Variants in PCDHGB7 observed in about 807,000 individuals in gnomAD.
PCDHGB7 encodes protocadherin gamma-B7.
Under a neutral mutation model 61.4 loss-of-function variants are expected in PCDHGB7, and 37 were observed. The ratio of observed to expected loss-of-function variants is 0.60; its 90% CI spans 0.46 to 0.79. The LOEUF is 0.79. PCDHGB7 is among the 30% of genes least tolerant of loss of function. The pLI is 0.00. For synonymous variants in PCDHGB7, 464 were observed against 503.5 expected (o/e 0.92, Z 1.05); for missense variants, 1,166 against 1,202.5 (o/e 0.97, Z 0.45).
intron 3 of PCDHGB7, among the ~76,000 whole-genome samples, chr5:141,506,473 G>A (rs976701500): frequency 2.7e-4 from 40 of 150,506 alleles, no homozygotes; most frequent in Admixed American, 1.5e-3. Flanking sequence ...AAAGAGCACA[G>A]GCTTTAGAGG....
chr5:141,511,373 G>T lies in PCDHGB7; in HGVS notation c.*200G>T. On this transcript the variant is annotated 3_prime_UTR_variant, in exon 4 of 4. Transcript: ENST00000398594. ...CCCCCAGGGGGTTGAATATGCAAAA[G>T]CAGTTCCGCTGGGAACCCCCATCCA... 8.0e-7 allele frequency: 1 copy of T among 1,251,332 alleles called. No homozygotes were observed. The highest frequency in any genetic ancestry group is 1.6e-5 in the South Asian group (1 of 63,796). The allele number at this position is 1,251,332 out of a possible 1,614,324, so 77.5% of individuals were successfully genotyped here.
rs201424832 is a variant in PCDHGB7 at position 141,490,802 on chromosome 5, C to T, written c.2416-4005C>T. On this transcript the variant is annotated intron_variant, in intron 1 of 3. Transcript: ENST00000398594. This position sits in a 1 kb window ranked among gnomAD's most constrained non-coding sequence, Gnocchi z 5.4. Reference sequence around the variant, plus strand: ...GATGGACGGATCTTTGCCCAGCGTACCTTTGACTATGAATTGCTGCAGATG... The same window carrying T: ...GATGGACGGATCTTTGCCCAGCGTATCTTTGACTATGAATTGCTGCAGATG... 1 of 1,613,944 alleles carries T rather than the reference C, an allele frequency of 6.2e-7. No homozygotes were observed. Among genetic ancestry groups the T allele is most frequent in the East Asian group, 2.2e-5 (1 of 44,886 alleles).
chr5:141,510,944 C>T lies in PCDHGB7; in HGVS notation c.2564-3C>T, dbSNP rs772921698. 2 of 1,614,120 alleles carry T rather than the reference C, an allele frequency of 1.2e-6. No individual in the cohort carries two copies. Among genetic ancestry groups the T allele is most frequent in the South Asian group, 2.2e-5 (2 of 91,080 alleles). On this transcript the variant is annotated splice_region_variant and splice_polypyrimidine_tract_variant and intron_variant, in intron 3 of 3. Transcript: ENST00000398594. Reference sequence around the variant, plus strand: ...CCCACCTGATCTTCCTCTGTCTCTGCAGAAGCTGCTGATGGGAGCTCCACC... The same window carrying T: ...CCCACCTGATCTTCCTCTGTCTCTGTAGAAGCTGCTGATGGGAGCTCCACC...
At chr5:141,437,150 A>T (rs572721302) in intron 1 of PCDHGB7, among the ~76,000 whole-genome samples, 1 of 152,328 alleles carries the variant, frequency 6.6e-6, no homozygotes, top group East Asian at 1.9e-4. Flanking sequence ...CATAATTAAC[A>T]TATGTGTTGA....
chr5:141,420,202 C>T lies in PCDHGB7; in HGVS notation c.2343C>T (p.Leu781=), dbSNP rs2096476837. 1 of 1,613,136 alleles carries T rather than the reference C, an allele frequency of 6.2e-7. No homozygotes were observed. ...VDHCPATQDN[L]NKDSMLLASI... ...ATTGTCCAGCCACACAAGATAACCTCAACAAAGATAGCATGCTACTGGCTA... is the reference window on the plus strand; with the variant it reads ...ATTGTCCAGCCACACAAGATAACCTTAACAAAGATAGCATGCTACTGGCTA... The change falls in exon 1 of 4, where the codon CTC becomes CTT. Residue 781 remains leucine, a synonymous_variant. Transcript: ENST00000398594.
In PCDHGB7 at chr5:141,490,007, C is replaced by T. The variant is rs766407642; in HGVS notation, c.2416-4800C>T. On this transcript the variant is annotated intron_variant, in intron 1 of 3. Coordinates refer to ENST00000398594, the MANE Select transcript of PCDHGB7 (RefSeq NM_018927.4). The surrounding 1 kb of genome is among the most constrained non-coding windows in gnomAD (Gnocchi z 5.4). ...CGTGTGGGAATCCCAGAGAATGCACCCATTGGTACTCTGCTGCTCCGCCTC... is the reference window on the plus strand; with the variant it reads ...CGTGTGGGAATCCCAGAGAATGCACTCATTGGTACTCTGCTGCTCCGCCTC... 6.2e-7 allele frequency: 1 copy of T among 1,614,200 alleles called. No homozygotes were observed. The highest frequency in any genetic ancestry group is 8.5e-7 in the Non-Finnish European group (1 of 1,180,016).
Position 141,490,731 on chromosome 5 carries a change from G to A in PCDHGB7, c.2416-4076G>A, listed in dbSNP as rs139283997. The A allele has an allele frequency of 6.8e-6, 11 of 1,614,080 alleles. No homozygotes were observed. In the African/African-American group the frequency reaches 1.1e-4, roughly 16 times the overall value. Reference sequence around the variant, plus strand: ...TCACCTACTCCATTGTAGGAAATCAGGTTCAGGGAGCCCCAGCCTCCTCCT... The same window carrying A: ...TCACCTACTCCATTGTAGGAAATCAAGTTCAGGGAGCCCCAGCCTCCTCCT... On this transcript the variant is annotated intron_variant, in intron 1 of 3. Transcript: ENST00000398594. The surrounding 1 kb of genome is among the most constrained non-coding windows in gnomAD (Gnocchi z 5.4).
At chr5:141,462,905 T>G (rs542357408) in intron 1 of PCDHGB7, among the ~76,000 whole-genome samples, 265 of 152,356 alleles carry the variant, frequency 1.7e-3, no homozygotes, top group Non-Finnish European at 3.1e-3. Flanking sequence ...AAGGCTATTA[T>G]GTTTTTTGCA....
intron 2 of PCDHGB7, among the ~76,000 whole-genome samples, chr5:141,501,868 C>G (rs1016056445): frequency 1.3e-5 from 2 of 152,120 alleles, no homozygotes; most frequent in African/African-American, 2.4e-5. Flanking sequence ...TCCCAGGACG[C>G]CTCCTTACAC....
Position 141,490,629 on chromosome 5 carries a change from C to T in PCDHGB7, c.2416-4178C>T, listed in dbSNP as rs1174984711. 1.2e-6 allele frequency: 2 copies of T among 1,614,214 alleles called. No individual in the cohort carries two copies. Among genetic ancestry groups the T allele is most frequent in the East Asian group, 2.2e-5 (1 of 44,882 alleles). On this transcript the variant is annotated intron_variant, in intron 1 of 3. Coordinates refer to ENST00000398594, the MANE Select transcript of PCDHGB7 (RefSeq NM_018927.4). This position sits in a 1 kb window ranked among gnomAD's most constrained non-coding sequence, Gnocchi z 5.4. ...ACCAGCAGCTTTACACTGCTTACAT[C>T]CTAGAAAACCGGCCTCCGGGCTCCC...
In PCDHGB7 at chr5:141,432,142, C is replaced by T; in HGVS notation, c.2415+11868C>T. 1 of 1,614,098 alleles carries T rather than the reference C, an allele frequency of 6.2e-7. No individual in the cohort carries two copies. Among genetic ancestry groups the T allele is most frequent in the Non-Finnish European group, 8.5e-7 (1 of 1,180,016 alleles). On this transcript the variant is annotated intron_variant, in intron 1 of 3. Transcript: ENST00000398594. This position sits in a 1 kb window ranked among gnomAD's most constrained non-coding sequence, Gnocchi z 6.0. Reference sequence around the variant, plus strand: ...CTCAGGCCTCCTATTCCGCTTATATCCCAGAGAACAATCCCAGAGGAGTTT... The same window carrying T: ...CTCAGGCCTCCTATTCCGCTTATATTCCAGAGAACAATCCCAGAGGAGTTT...
chr5:141,427,440 G>T (rs747459662), intron 1 of PCDHGB7: 3 of 477,366 alleles, frequency 6.3e-6, no homozygotes, highest in South Asian at 3.1e-5. Flanking sequence ...CCTCATAAAC[G>T]AAAGAGTTCC....
rs200117787 is a variant in PCDHGB7, at chr5:141,477,443, G to T, written c.2416-17364G>T. ...CCCTTCCCTCTCAGCCCTTACAATA[G>T]TGCGTGTTCAAGTGTCCGACATCAA... On this transcript the variant is annotated intron_variant, in intron 1 of 3. Coordinates refer to ENST00000398594, the MANE Select transcript of PCDHGB7 (RefSeq NM_018927.4). This position sits in a 1 kb window ranked among gnomAD's most constrained non-coding sequence, Gnocchi z 4.9. The T allele has an allele frequency of 1.7e-5, 28 of 1,614,136 alleles. No homozygotes were observed. In the East Asian group the frequency reaches 6.2e-4, roughly 36 times the overall value.
Position 141,490,140 on chromosome 5 carries a change from G to T in PCDHGB7, c.2416-4667G>T. On this transcript the variant is annotated intron_variant, in intron 1 of 3. Transcript: ENST00000398594. This position sits in a 1 kb window ranked among gnomAD's most constrained non-coding sequence, Gnocchi z 5.4. Reference sequence around the variant, plus strand: ...TCTTTGGCCTAGACCCTAGCAGTGGGGCAATCCATGTGTTGGGTCCCATAG... The same window carrying T: ...TCTTTGGCCTAGACCCTAGCAGTGGTGCAATCCATGTGTTGGGTCCCATAG... 1 of 1,614,206 alleles carries T rather than the reference G, an allele frequency of 6.2e-7. No homozygotes were observed. The highest frequency in any genetic ancestry group is 8.5e-7 in the Non-Finnish European group (1 of 1,180,026).
At chr5:141,466,180 A>AT (rs922532578) in intron 1 of PCDHGB7, among the ~76,000 whole-genome samples, 11 of 151,256 alleles carry the variant, frequency 7.3e-5, no homozygotes, top group South Asian at 2.1e-4. Context: ...TTTTATTTTT[A>AT]TTTTTTTTCA....
chr5:141,433,587 G>A (rs1228017153), intron 1 of PCDHGB7, among the ~76,000 whole-genome samples: 1 of 152,068 alleles, frequency 6.6e-6, no homozygotes, highest in African/African-American at 2.4e-5. Flanking sequence ...TGTAATCCCA[G>A]TACTTTGGGA....
Position 141,477,710 on chromosome 5 carries a change from G to A in PCDHGB7, c.2416-17097G>A, listed in dbSNP as rs747156156. ...GCCCCTAGACTATGAGGATCGGCGG[G>A]AATTTGAATTAACAGCTCATATCAG... On this transcript the variant is annotated intron_variant, in intron 1 of 3. Transcript: ENST00000398594. This position sits in a 1 kb window ranked among gnomAD's most constrained non-coding sequence, Gnocchi z 4.9. 2.5e-6 allele frequency: 4 copies of A among 1,613,918 alleles called. No homozygotes were observed. Among genetic ancestry groups the A allele is most frequent in the Middle Eastern group, 3.3e-4 (2 of 6,062 alleles).
intron 2 of PCDHGB7, among the ~76,000 whole-genome samples, chr5:141,502,109 C>G (rs2099812899): frequency 1.3e-5 from 2 of 152,182 alleles, no homozygotes; most frequent in Admixed American, 1.3e-4. Flanking sequence ...ACCCTGCACC[C>G]TCAGCCAGGC....
chr5:141,450,948 C>T (rs1250110393), intron 1 of PCDHGB7, among the ~76,000 whole-genome samples: 2 of 151,870 alleles, frequency 1.3e-5, no homozygotes, highest in East Asian at 3.9e-4. Flanking sequence ...CCTCAGCCTC[C>T]CAAGTAGCTG....
Sources: gnomAD v4.1 joint callset for allele counts (sites outside exome capture counted in the v4.1 genomes callset) on GRCh38, gnomAD v4.1.1 for gene constraint, Gnocchi (gnomAD v3.1) non-coding constraint, MANE v1.5 for transcripts, NCBI Gene and HGNC (gene_info 2026-07-23, HGNC 2026-07-21) for gene names.